The following WDR70 variants were observed in gnomAD, a reference collection of about 807,000 sequenced individuals.
WDR70 encodes WD repeat-containing protein 70.
A neutral mutation model predicts 88.6 loss-of-function variants in WDR70; 53 were observed. The ratio of observed to expected loss-of-function variants is 0.60; its 90% CI spans 0.48 to 0.75. WDR70 has a LOEUF of 0.75. WDR70 is among the 30% of genes least tolerant of loss of function. WDR70 has a pLI of 0.00. For synonymous variants in WDR70, 280 were observed against 270.0 expected (o/e 1.04, Z -0.36); for missense variants, 610 against 823.2 (o/e 0.74, Z 3.17).
At chr5:37,449,938 C>T (rs1017895931) in intron 7 of WDR70, among the ~76,000 whole-genome samples, 8 of 152,116 alleles carry the variant, frequency 5.3e-5, no homozygotes, top group African/African-American at 1.9e-4. Flanking sequence ...TGATATTCCC[C>T]TCCTTGTGTC....
At chr5:37,681,464 T>C (rs1006425009) in intron 10 of WDR70, among the ~76,000 whole-genome samples, 2 of 152,196 alleles carry the variant, frequency 1.3e-5, no homozygotes, top group African/African-American at 4.8e-5. Flanking sequence ...TCCAATACTA[T>C]GTTGAATAGG....
At chr5:37,519,590 GCTC>G (rs1346974734) in intron 9 of WDR70, among the ~76,000 whole-genome samples, 1 of 135,266 alleles carries the variant, frequency 7.4e-6, no homozygotes, top group African/African-American at 2.9e-5. Context: ...GGGCAGAGGC[GCTC>G]CTCACCTCCC....
At chr5:37,499,298 G>T (rs533960431) in intron 8 of WDR70, among the ~76,000 whole-genome samples, 1 of 151,876 alleles carries the variant, frequency 6.6e-6, no homozygotes, top group South Asian at 2.1e-4. Flanking sequence ...ATTTTTAGTA[G>T]AGATGGGGTT....
intron 9 of WDR70, among the ~76,000 whole-genome samples, chr5:37,528,666 T>C (rs1489542092): frequency 2.0e-5 from 3 of 152,182 alleles, no homozygotes; most frequent in Non-Finnish European, 4.4e-5. Flanking sequence ...TACTTTTTGA[T>C]GGAATTTTGT....
At chr5:37,385,184 C>A (rs1191488140) in intron 3 of WDR70, among the ~76,000 whole-genome samples, 2 of 151,932 alleles carry the variant, frequency 1.3e-5, no homozygotes, top group Non-Finnish European at 2.9e-5. Context: ...CCCAGCATAC[C>A]CCTGTGTTCA....
At chr5:37,487,079 A>G (rs1301335295) in intron 8 of WDR70, among the ~76,000 whole-genome samples, 1 of 152,232 alleles carries the variant, frequency 6.6e-6, no homozygotes, top group Admixed American at 6.5e-5. Flanking sequence ...AATCTACATA[A>G]AAGTGTAGGA....
At chr5:37,545,443 TAA>T (rs750668140) in intron 9 of WDR70, among the ~76,000 whole-genome samples, 2 of 152,310 alleles carry the variant, frequency 1.3e-5, no homozygotes, top group Admixed American at 1.3e-4. Flanking sequence ...TTTTTTAATT[TAA>T]GTTATTCTTT....
In WDR70 at chr5:37,699,360, A is replaced by AGT. The variant is rs377366011; in HGVS notation, c.1192+1619_1192+1620dup. On this transcript the variant is annotated intron_variant, in intron 11 of 17. Transcript: ENST00000265107. ...CACACACACACACACACACACACAC[A>AGT]GTGTGTGTGTGTGTATATATATGTA... Among the ~76,000 whole-genome samples, 408 of 125,938 alleles carry AGT rather than the reference A, an allele frequency of 3.2e-3. 1 individual carries two copies. The highest frequency in any genetic ancestry group is 0.016 in the South Asian group (61 of 3,820). 82.6% of individuals were successfully genotyped at this position (125,938 alleles called of 152,430 possible). A position where few individuals can be genotyped will look rare whatever the true frequency, so the allele number is the denominator to read the frequency against.
At position 37,499,590 on chromosome 5, in the gene WDR70, TC is replaced by T. The variant is rs1561876786; in HGVS notation, c.841-16923del. On this transcript the variant is annotated intron_variant, in intron 8 of 17. Transcript: ENST00000265107. ...TTAAATATGTGATTTGGAAATATTC[TC>T]TCTCTCTCTCTCTCTCTCTCTCTCT... 4.5e-3 allele frequency among the ~76,000 whole-genome samples: 612 copies of T among 134,540 alleles called. 24 individuals carry two copies. Among genetic ancestry groups the T allele is most frequent in the East Asian group, 0.022 (102 of 4,632 alleles). 88.3% of individuals were successfully genotyped at this position (134,540 alleles called of 152,430 possible). A position where few individuals can be genotyped will look rare whatever the true frequency, so the allele number is the denominator to read the frequency against.
At chr5:37,638,213 T>C (rs1198153156) in intron 10 of WDR70, among the ~76,000 whole-genome samples, 1 of 152,244 alleles carries the variant, frequency 6.6e-6, no homozygotes, top group Non-Finnish European at 1.5e-5. Context: ...ATTATTCCAT[T>C]AAAATGAATT....
At chr5:37,667,843 T>TG (rs1745905124) in intron 10 of WDR70, among the ~76,000 whole-genome samples, 1 of 54,684 alleles carries the variant, frequency 1.8e-5, no homozygotes, top group African/African-American at 8.3e-5. Flanking sequence ...CTGTACGATC[T>TG]GAAAAAAAAA....
intron 10 of WDR70, among the ~76,000 whole-genome samples, chr5:37,647,635 G>A (rs528640890): frequency 6.6e-6 from 1 of 152,324 alleles, no homozygotes; most frequent in East Asian, 1.9e-4. Context: ...CACACTCATA[G>A]AAGTACCACC....
At chr5:37,495,331 G>A (rs1740181628) in intron 8 of WDR70, among the ~76,000 whole-genome samples, 1 of 151,992 alleles carries the variant, frequency 6.6e-6, no homozygotes, top group South Asian at 2.1e-4. Context: ...AAAGACATGG[G>A]TACTATCATT....
intron 4 of WDR70, among the ~76,000 whole-genome samples, chr5:37,395,711 A>G (rs1748987785): frequency 6.6e-6 from 1 of 152,112 alleles, no homozygotes; most frequent in Non-Finnish European, 1.5e-5. Flanking sequence ...GAGGCACTGG[A>G]TATCTCAGTG....
Position 37,684,597 on chromosome 5 carries a change from A to G in WDR70, c.1093-13058A>G, listed in dbSNP as rs571219748. On this transcript the variant is annotated intron_variant, in intron 10 of 17. Coordinates refer to ENST00000265107, the MANE Select transcript of WDR70 (RefSeq NM_018034.4). The stretch of plus-strand genomic sequence containing the variant: ...CTCCCACTCCCGACTCCCGGACTGC[A>G]TGCTCTAACTCTGGGGAACTTGTAT... Among the ~76,000 whole-genome samples the G allele has an allele frequency of 5.9e-5, 9 of 152,342 alleles. No homozygotes were observed. In the East Asian group the frequency reaches 9.6e-4, roughly 16 times the overall value.
intron 9 of WDR70, among the ~76,000 whole-genome samples, chr5:37,588,032 A>G (rs1357988249): frequency 6.6e-6 from 1 of 152,182 alleles, no homozygotes; most frequent in Non-Finnish European, 1.5e-5. Context: ...GGCCAGGAAC[A>G]GTGTTTATGA....
chr5:37,716,255 T>C (rs1356698671), intron 13 of WDR70, among the ~76,000 whole-genome samples: 1 of 152,228 alleles, frequency 6.6e-6, no homozygotes, highest in Non-Finnish European at 1.5e-5. Flanking sequence ...GGCTTTCTTT[T>C]AGCATGTAGA....
intron 10 of WDR70, among the ~76,000 whole-genome samples, chr5:37,630,050 AT>A (rs1744770282): frequency 6.6e-6 from 1 of 152,274 alleles, no homozygotes; most frequent in African/African-American, 2.4e-5. Context: ...TACTGGGGGC[AT>A]TTGAGAGTTT....
chr5:37,436,082 T>G (rs1338784850), intron 5 of WDR70, among the ~76,000 whole-genome samples: 1 of 152,044 alleles, frequency 6.6e-6, no homozygotes, highest in African/African-American at 2.4e-5. Flanking sequence ...TTTAACCCAG[T>G]GTTTGAAATG....
Sources: gnomAD v4.1 joint callset for allele counts (sites outside exome capture counted in the v4.1 genomes callset) on GRCh38, gnomAD v4.1.1 for gene constraint, MANE v1.5 for transcripts, NCBI Gene and HGNC (gene_info 2026-07-23, HGNC 2026-07-21) for gene names.